PCDH9: variants seen among roughly 807,000 people sequenced by gnomAD.
PCDH9 encodes the protein protocadherin 9, also known as protocadherin-9.
Under a neutral mutation model 70.6 loss-of-function variants are expected in PCDH9, and 24 were observed. The ratio of observed to expected loss-of-function variants is 0.34; its 90% CI spans 0.25 to 0.48. The LOEUF is 0.48. Ranked by LOEUF, PCDH9 falls within the 20% of genes least tolerant of loss-of-function variation. The pLI, the probability that PCDH9 is intolerant of heterozygous loss-of-function variation, is 0.99. For missense variants in PCDH9, 1,281 were observed against 1,503.6 expected (o/e 0.85, Z 2.45); for synonymous variants, 562 against 558.5 (o/e 1.01, Z -0.09).
At chr13:67,054,132 A>C (rs1377898836) in intron 2 of PCDH9, among the ~76,000 whole-genome samples, 1 of 152,204 alleles carries the variant, frequency 6.6e-6, no homozygotes, top group Non-Finnish European at 1.5e-5. Context: ...AAACCATTAC[A>C]TTACAAAAAA....
chr13:66,840,258 A>C (rs1278357871), intron 3 of PCDH9, among the ~76,000 whole-genome samples: 1 of 137,368 alleles, frequency 7.3e-6, no homozygotes, highest in Non-Finnish European at 1.6e-5. Context: ...TTACATTAGA[A>C]AGGTAGTATT....
chr13:66,747,485 C>A (rs2079388596), intron 3 of PCDH9, among the ~76,000 whole-genome samples: 2 of 152,082 alleles, frequency 1.3e-5, no homozygotes, highest in Admixed American at 1.3e-4. Context: ...AAACTCCAGA[C>A]CAGAAACAGA....
At chr13:66,976,809 T>G (rs995619692) in intron 2 of PCDH9, among the ~76,000 whole-genome samples, 1 of 152,134 alleles carries the variant, frequency 6.6e-6, no homozygotes, top group East Asian at 1.9e-4. Context: ...ATAAATCTGA[T>G]GTTTGGGAAA....
intron 2 of PCDH9, among the ~76,000 whole-genome samples, chr13:67,169,354 T>A (rs2088212910): frequency 1.3e-5 from 2 of 152,240 alleles, no homozygotes; most frequent in African/African-American, 4.8e-5. Flanking sequence ...TTATTTTTAA[T>A]GTTTCATTTA....
intron 2 of PCDH9, among the ~76,000 whole-genome samples, chr13:66,995,724 T>C (rs1162468180): frequency 6.6e-6 from 1 of 152,180 alleles, no homozygotes. Flanking sequence ...CAGGCAAACC[T>C]CAATCTCATT....
chr13:66,922,001 T>C (rs2082644011), intron 2 of PCDH9, among the ~76,000 whole-genome samples: 1 of 151,360 alleles, frequency 6.6e-6, no homozygotes, highest in African/African-American at 2.4e-5. Flanking sequence ...TTATGAAAAC[T>C]TTGTCAACTA....
In PCDH9 at chr13:67,087,383, T is replaced by A. The variant is rs1006641701; in HGVS notation, c.3036+138022A>T. On this transcript the variant is annotated intron_variant, in intron 2 of 4. Transcript: ENST00000377865. ...CAAGAATAAATCTTCTTAGTACCAG[T>A]TTTACAAATATGTCGCAAACCCCAT... 2.0e-5 allele frequency among the ~76,000 whole-genome samples: 3 copies of A among 152,188 alleles called. No individual in the cohort carries two copies. The South Asian group carries it at 6.2e-4, about 32-fold the overall frequency.
intron 4 of PCDH9, among the ~76,000 whole-genome samples, chr13:66,502,550 C>T (rs1377715259): frequency 2.0e-5 from 3 of 152,042 alleles, no homozygotes; most frequent in African/African-American, 4.8e-5. Context: ...AGCAATTTTA[C>T]CTGCCAAGAT....
chr13:66,385,084 G>A (rs1347093300), intron 4 of PCDH9, among the ~76,000 whole-genome samples: 1 of 151,812 alleles, frequency 6.6e-6, no homozygotes, highest in Non-Finnish European at 1.5e-5. Flanking sequence ...TTTTTTTTAA[G>A]ATTTCATATA....
chr13:66,339,324 A>G lies in PCDH9; in HGVS notation c.3341-34296T>C, dbSNP rs145133492. On this transcript the variant is annotated intron_variant, in intron 4 of 4. Transcript: ENST00000377865. ...ACCCATTTTTAAGACATTACACTCAATGGCAGATGAGCCCTTTCTCTTCTC... is the reference window on the plus strand; with the variant it reads ...ACCCATTTTTAAGACATTACACTCAGTGGCAGATGAGCCCTTTCTCTTCTC... Among the ~76,000 whole-genome samples the G allele has an allele frequency of 7.9e-5, 12 of 152,198 alleles. No homozygotes were observed. The East Asian group carries it at 2.3e-3, about 29-fold the overall frequency.
At chr13:66,533,844 T>A (rs2138639024) in intron 4 of PCDH9, among the ~76,000 whole-genome samples, 1 of 152,236 alleles carries the variant, frequency 6.6e-6, no homozygotes, top group Admixed American at 6.5e-5. Flanking sequence ...TCCGCAAACA[T>A]ATGGCCCACA....
intron 2 of PCDH9, among the ~76,000 whole-genome samples, chr13:66,971,677 A>G (rs974797223): frequency 2.6e-5 from 4 of 151,992 alleles, no homozygotes; most frequent in African/African-American, 2.4e-5. Context: ...GGCAGCCCAT[A>G]AATTCCATCC....
chr13:66,856,400 ATAAT>A (rs1006903221), intron 3 of PCDH9, among the ~76,000 whole-genome samples: 2 of 152,076 alleles, frequency 1.3e-5, no homozygotes, highest in Admixed American at 6.6e-5. Context: ...GAACAAAGTA[ATAAT>A]TAGTTTCTCT....
chr13:66,969,109 T>C (rs1445505065), intron 2 of PCDH9, among the ~76,000 whole-genome samples: 1 of 152,112 alleles, frequency 6.6e-6, no homozygotes. Context: ...TTCAGTAAGC[T>C]GTCAATCAAT....
intron 2 of PCDH9, among the ~76,000 whole-genome samples, chr13:66,951,657 G>C (rs1210722782): frequency 2.0e-5 from 3 of 152,188 alleles, no homozygotes. Flanking sequence ...TATCCATTGT[G>C]ATGCAAATGT....
At chr13:66,743,179 T>C (rs1818149802) in intron 3 of PCDH9, among the ~76,000 whole-genome samples, 1 of 54,214 alleles carries the variant, frequency 1.8e-5, no homozygotes, top group East Asian at 5.5e-4. Flanking sequence ...AAATGATGAG[T>C]TCATGTCCTT....
chr13:67,167,152 A>G (rs1005348415), intron 2 of PCDH9, among the ~76,000 whole-genome samples: 2 of 152,298 alleles, frequency 1.3e-5, no homozygotes, highest in South Asian at 2.1e-4. Flanking sequence ...GTTTGTCTTT[A>G]GTGAAATGGT....
chr13:66,877,065 C>T (rs1417770019), intron 3 of PCDH9: 1 of 127,374 alleles, frequency 7.9e-6, no homozygotes, highest in Non-Finnish European at 1.7e-5. Flanking sequence ...AATGCATTAA[C>T]TGAAAGATAG....
Position 67,097,063 on chromosome 13 carries a change from T to C in PCDH9, c.3036+128342A>G, listed in dbSNP as rs182749321. Among the ~76,000 whole-genome samples the C allele has an allele frequency of 5.7e-4, 85 of 147,910 alleles. 1 individual carries two copies. The highest frequency in any genetic ancestry group is 1.0e-3 in the Non-Finnish European group (67 of 67,306). On this transcript the variant is annotated intron_variant, in intron 2 of 4. Coordinates refer to ENST00000377865, the MANE Select transcript of PCDH9 (RefSeq NM_203487.3). ...AGGAGTTTGAGACCAGCCTGCACAA[T>C]GGTGAAACCCTATCTCTACAGAAAA...
Sources: gnomAD v4.1 joint callset for allele counts (sites outside exome capture counted in the v4.1 genomes callset) on GRCh38, gnomAD v4.1.1 for gene constraint, MANE v1.5 for transcripts, NCBI Gene and HGNC (gene_info 2026-07-23, HGNC 2026-07-21) for gene names.